Variants in C6orf89 observed in about 807,000 individuals in gnomAD.
C6orf89 encodes the protein chromosome 6 open reading frame 89.
C6orf89 carries 29 observed loss-of-function variants against 40.7 expected under a neutral mutation model. That is an observed-to-expected ratio of 0.71 (90% CI 0.53 to 0.97). The LOEUF is 0.97. Ranked by LOEUF, C6orf89 falls within the 50% of genes least tolerant of loss-of-function variation. The pLI, the probability that C6orf89 is intolerant of heterozygous loss-of-function variation, is 0.00. For synonymous variants in C6orf89, 165 were observed against 152.2 expected, an observed-to-expected ratio of 1.08 and a Z score of -0.62; for missense variants, 392 against 429.1, an observed-to-expected ratio of 0.91 and a Z score of 0.76.
intron 4 of C6orf89, among the ~76,000 whole-genome samples, chr6:36,912,174 A>G (rs1762151819): frequency 6.6e-6 from 1 of 151,752 alleles, no homozygotes; most frequent in South Asian, 2.1e-4. Context: ...TCCTTACCCA[A>G]ACCCCCACTG....
rs1005036310 is a variant in C6orf89, at chr6:36,885,962, C to T, written c.-186C>T. 7 of 1,267,944 alleles carry T rather than the reference C, an allele frequency of 5.5e-6. No individual in the cohort carries two copies. The highest frequency in any genetic ancestry group is 1.5e-5 in the African/African-American group (1 of 64,598). 78.5% of individuals were successfully genotyped at this position (1,267,944 alleles called of 1,614,324 possible). A position where few individuals can be genotyped will look rare whatever the true frequency, so the allele number is the denominator to read the frequency against. ...CGCGCTCCCGGAAACAGGAAGTTGC[C>T]CATCCTCCTCGCCCGGCGGCAGCTG... On this transcript the variant is annotated 5_prime_UTR_variant, in exon 1 of 9. Coordinates refer to ENST00000480824, the MANE Select transcript of C6orf89 (RefSeq NM_001286635.2).
chr6:36,905,208 GAGGA>G lies in C6orf89; in HGVS notation c.403+2775_403+2778del, dbSNP rs560532168. Among the ~76,000 whole-genome samples, 37 of 152,266 alleles carry G rather than the reference GAGGA, an allele frequency of 2.4e-4. 2 individuals are homozygous for G. The South Asian group carries it at 7.5e-3, about 31-fold the overall frequency. On this transcript the variant is annotated intron_variant, in intron 4 of 8. Transcript: ENST00000480824. Reference sequence around the variant, plus strand: ...CAGGTTTTATGCCCATTTTACAGATGAGGACACTGAGGCACAGTATGGTTAGGTC... The same window carrying G: ...CAGGTTTTATGCCCATTTTACAGATGCACTGAGGCACAGTATGGTTAGGTC...
In C6orf89 at chr6:36,919,661, T is replaced by C; in HGVS notation, c.909T>C (p.His303=). Reference sequence around the variant, plus strand: ...TCCCTCCCTTCCAGTGCCGAAGACATTGTCAGTCTGTGGCCATGCCAATAG... The same window carrying C: ...TCCCTCCCTTCCAGTGCCGAAGACACTGTCAGTCTGTGGCCATGCCAATAG... The part of the protein sequence containing the change: ...QLIPPFQCRR[H]CQSVAMPIEP... Residue 303 remains histidine (H), a synonymous_variant, in exon 8 of 9, where the codon CAT becomes CAC. Coordinates refer to ENST00000480824, the MANE Select transcript of C6orf89 (RefSeq NM_001286635.2). 1 of 1,614,120 alleles carries C rather than the reference T, an allele frequency of 6.2e-7. No individual in the cohort carries two copies. The highest frequency in any genetic ancestry group is 1.7e-5 in the Admixed American group (1 of 60,036).
At chr6:36,902,481 T>C in intron 4 of C6orf89, 47 bp downstream of exon 4, 1 of 1,548,724 alleles carries the variant, frequency 6.5e-7, no homozygotes, top group Admixed American at 1.7e-5. Context: ...TTCTTGACAG[T>C]ATATGATAGG....
intron 4 of C6orf89, among the ~76,000 whole-genome samples, chr6:36,904,881 A>G (rs6932579): frequency 0.041 from 6,179 of 152,162 alleles, 395 homozygotes; most frequent in African/African-American, 0.14. Context: ...TTGGTGATGT[A>G]CAAGAGGCAC....
chr6:36,898,316 G>A (rs1583165498), intron 2 of C6orf89, among the ~76,000 whole-genome samples: 1 of 128,022 alleles, frequency 7.8e-6, no homozygotes, highest in African/African-American at 3.1e-5. Context: ...TTTCGCTCTT[G>A]TTGCCCAGGC....
upstream of C6orf89, among the ~76,000 whole-genome samples, chr6:36,883,808 T>C (rs943580764): frequency 2.0e-5 from 3 of 152,248 alleles, no homozygotes; most frequent in African/African-American, 7.2e-5. Flanking sequence ...TCCCTCATAA[T>C]AGGCTCTACA....
chr6:36,926,371 A>C lies in C6orf89; in HGVS notation c.*2930A>C, dbSNP rs911964860. On this transcript the variant is annotated 3_prime_UTR_variant, in exon 9 of 9. Transcript: ENST00000480824. The stretch of plus-strand genomic sequence containing the variant: ...AACAGGGTGAAACCCCATCTCTACT[A>C]AAAATACAAAAATTACCCAGGCGTG... 3.9e-5 allele frequency: 6 copies of C among 151,978 alleles called. No individual in the cohort carries two copies. The highest frequency in any genetic ancestry group is 6.6e-5 in the Admixed American group (1 of 15,262). 9.4% of individuals were successfully genotyped at this position (151,978 alleles called of 1,614,324 possible).
At chr6:36,907,778 G>A (rs1026483555) in intron 4 of C6orf89, among the ~76,000 whole-genome samples, 1 of 152,124 alleles carries the variant, frequency 6.6e-6, no homozygotes, top group Non-Finnish European at 1.5e-5. Context: ...TTTCTGTCTG[G>A]TGCTTCAGGA....
At chr6:36,916,111 C>T (rs1004498426) in intron 6 of C6orf89, among the ~76,000 whole-genome samples, 6 of 152,118 alleles carry the variant, frequency 3.9e-5, no homozygotes, top group African/African-American at 1.4e-4. Context: ...TTCTCCCCTT[C>T]CCCCGCCTGG....
At chr6:36,896,753 C>G (rs570032459) in intron 2 of C6orf89, among the ~76,000 whole-genome samples, 1 of 152,264 alleles carries the variant, frequency 6.6e-6, no homozygotes, top group African/African-American at 2.4e-5. Context: ...AAGCCTCCCT[C>G]TCTGTGTTTT....
chr6:36,919,210 G>C (rs564637364), intron 7 of C6orf89, among the ~76,000 whole-genome samples: 14 of 152,318 alleles, frequency 9.2e-5, no homozygotes, highest in Non-Finnish European at 1.8e-4. Context: ...ATTGCAATTA[G>C]GTATTTTTCT....
intron 1 of C6orf89, among the ~76,000 whole-genome samples, chr6:36,875,631 A>G (rs1583127231): frequency 1.3e-5 from 1 of 74,814 alleles, no homozygotes; most frequent in African/African-American, 5.6e-5. Context: ...ACCTAAACTT[A>G]ACGCTGTAAA....
At chr6:36,886,070 C>G in intron 1 of C6orf89, 42 bp downstream of exon 1, 1 of 1,116,546 alleles carries the variant, frequency 9.0e-7, no homozygotes, top group Non-Finnish European at 1.1e-6. Flanking sequence ...GGAGGCCGCC[C>G]TGTGACAGCC....
chr6:36,923,266 G>A, intron 8 of C6orf89, 81 bp from the exon 9 acceptor site: 1 of 999,730 alleles, frequency 1.0e-6, no homozygotes, highest in Admixed American at 2.1e-5. Flanking sequence ...GGCCAGCTCT[G>A]GCAGACCTGC....
rs367806686 is a variant in C6orf89 at position 36,908,615 on chromosome 6, A to G, written c.404-5669A>G. ...TATAAATAGAAATACTTTTTTGTTC[A>G]CACACATACAAAAGATCTCATATAC... is the stretch of plus-strand genomic sequence containing the variant. On this transcript the variant is annotated intron_variant, in intron 4 of 8. Coordinates refer to ENST00000480824, the MANE Select transcript of C6orf89 (RefSeq NM_001286635.2). 2.6e-5 allele frequency among the ~76,000 whole-genome samples: 4 copies of G among 152,252 alleles called. No individual in the cohort carries two copies. In the East Asian group the frequency reaches 5.8e-4, roughly 22 times the overall value.
intron 4 of C6orf89, among the ~76,000 whole-genome samples, chr6:36,910,649 G>T (rs1246218224): frequency 6.6e-6 from 1 of 151,808 alleles, no homozygotes; most frequent in Non-Finnish European, 1.5e-5. Context: ...GATGACTTGA[G>T]CCTGGAAGGT....
intron 4 of C6orf89, among the ~76,000 whole-genome samples, chr6:36,902,811 A>G (rs1761774199): frequency 6.6e-6 from 1 of 152,208 alleles, no homozygotes; most frequent in African/African-American, 2.4e-5. Context: ...GTTTATTGAA[A>G]GCAACCGAGT....
chr6:36,889,582 C>A (rs13202459), intron 1 of C6orf89, among the ~76,000 whole-genome samples: 64 of 140,448 alleles, frequency 4.6e-4, no homozygotes, highest in East Asian at 1.0e-3. Flanking sequence ...AAAACAAAAA[C>A]AAAAAAAAAA....
Sources: allele counts gnomAD v4.1 joint callset (sites outside exome capture counted in the v4.1 genomes callset), GRCh38; gene constraint gnomAD v4.1.1; transcripts MANE v1.5; gene names NCBI Gene and HGNC (gene_info 2026-07-23, HGNC 2026-07-21).